Variants in LARGE1 observed in about 807,000 individuals in gnomAD.
The protein encoded by LARGE1 is xylosyl- and glucuronyltransferase LARGE1.
LARGE1 carries 43 observed loss-of-function variants against 87.6 expected under a neutral mutation model. The ratio of observed to expected loss-of-function variants is 0.49; its 90% CI spans 0.38 to 0.63. The LOEUF is 0.63. Among genes scored for constraint, LARGE1 ranks in the 30% least tolerant of loss-of-function variants. The probability of loss-of-function intolerance (pLI) is 0.00; values close to 1 mark genes in which losing one functional copy is unlikely to be tolerated. For synonymous variants in LARGE1, 434 were observed against 394.6 expected (o/e 1.10, Z -1.18); for missense variants, 802 against 1,000.2 (o/e 0.80, Z 2.67).
At chr22:33,277,328 G>T in intron 13 of LARGE1, 73 bp from the exon 14 acceptor site, 1 of 1,402,678 alleles carries the variant, frequency 7.1e-7, no homozygotes, top group Non-Finnish European at 9.9e-7. Context: ...CGATGTGGAG[G>T]AAGAAGGGGT....
intron 9 of LARGE1, among the ~76,000 whole-genome samples, chr22:33,373,098 C>T (rs886878596): frequency 2.6e-5 from 4 of 151,948 alleles, no homozygotes; most frequent in African/African-American, 4.8e-5. Flanking sequence ...GAGTAAGTCA[C>T]GATAAAGTTT....
chr22:33,834,810 A>G (rs1263998697), intron 1 of LARGE1, among the ~76,000 whole-genome samples: 1 of 152,228 alleles, frequency 6.6e-6, no homozygotes, highest in African/African-American at 2.4e-5. Flanking sequence ...CCAAATGGTA[A>G]AAGTGAATTT....
chr22:33,675,082 C>T (rs990377102), intron 2 of LARGE1, among the ~76,000 whole-genome samples: 1 of 151,506 alleles, frequency 6.6e-6, no homozygotes, highest in South Asian at 2.1e-4. Flanking sequence ...CACCTGAGGT[C>T]GAATGTTCGA....
At chr22:33,083,944 C>A in the LARGE1 span, among the ~76,000 whole-genome samples, 1 of 151,960 alleles carries the variant, frequency 6.6e-6, no homozygotes, top group Non-Finnish European at 1.5e-5. Context: ...TTAGCACAAT[C>A]TACCAGGCCC....
chr22:33,542,342 T>C (rs946207116), intron 6 of LARGE1, among the ~76,000 whole-genome samples: 1 of 151,874 alleles, frequency 6.6e-6, no homozygotes, highest in Non-Finnish European at 1.5e-5. Flanking sequence ...ATGGGAACCC[T>C]GTTTGGGGCA....
intron 9 of LARGE1, among the ~76,000 whole-genome samples, chr22:33,367,472 C>T (rs541048314): frequency 3.3e-5 from 5 of 152,240 alleles, no homozygotes; most frequent in South Asian, 2.1e-4. Context: ...GGCTGTAGTA[C>T]GGTGGTGCAA....
intron 1 of LARGE1, among the ~76,000 whole-genome samples, chr22:33,818,029 A>G (rs1168340019): frequency 6.6e-6 from 1 of 152,042 alleles, no homozygotes; most frequent in African/African-American, 2.4e-5. Context: ...CTAGGTTCAG[A>G]CCCCAGATCC....
At chr22:33,405,127 T>C (rs1465786820) in intron 7 of LARGE1, among the ~76,000 whole-genome samples, 1 of 152,232 alleles carries the variant, frequency 6.6e-6, no homozygotes, top group East Asian at 1.9e-4. Flanking sequence ...AGAAAGATCG[T>C]CCTGCATTCA....
the LARGE1 span, among the ~76,000 whole-genome samples, chr22:33,144,827 C>G: frequency 1.3e-5 from 2 of 152,062 alleles, no homozygotes; most frequent in African/African-American, 4.8e-5. Flanking sequence ...AAAGCAAATG[C>G]TCAATCATCA....
intron 1 of LARGE1, among the ~76,000 whole-genome samples, chr22:33,902,560 T>C (rs2065313366): frequency 6.6e-6 from 1 of 152,172 alleles, no homozygotes; most frequent in Admixed American, 6.5e-5. Flanking sequence ...CGTTTTGTCT[T>C]CTCTCTACTC....
chr22:33,466,274 C>T (rs1203688401), intron 6 of LARGE1, among the ~76,000 whole-genome samples: 1 of 152,018 alleles, frequency 6.6e-6, no homozygotes, highest in African/African-American at 2.4e-5. Flanking sequence ...TCCCTCTCTC[C>T]GAAGTAGCTT....
At chr22:33,398,670 A>AT (rs1171704765) in intron 7 of LARGE1, among the ~76,000 whole-genome samples, 1 of 152,186 alleles carries the variant, frequency 6.6e-6, no homozygotes, top group Non-Finnish European at 1.5e-5. Flanking sequence ...CATGTGACCC[A>AT]TTTTTTGGAA....
At chr22:33,067,565 G>A in the LARGE1 span, among the ~76,000 whole-genome samples, 216 of 152,240 alleles carry the variant, frequency 1.4e-3, no homozygotes, top group Non-Finnish European at 2.2e-3. Context: ...AGATAGAGAT[G>A]TATGGGCTCA....
intron 11 of LARGE1, among the ~76,000 whole-genome samples, chr22:33,176,136 C>A (rs2146150274): frequency 6.6e-6 from 1 of 152,236 alleles, no homozygotes; most frequent in Non-Finnish European, 1.5e-5. Context: ...TTCCTTACAC[C>A]TTATACAAAA....
chr22:33,530,038 G>A (rs187077682), intron 6 of LARGE1, among the ~76,000 whole-genome samples: 103 of 152,300 alleles, frequency 6.8e-4, no homozygotes, highest in Non-Finnish European at 1.3e-4. Flanking sequence ...CAGCGATAGG[G>A]TCTAGGGTTC....
chr22:33,504,180 A>C (rs2070648508), intron 6 of LARGE1, among the ~76,000 whole-genome samples: 1 of 152,174 alleles, frequency 6.6e-6, no homozygotes, highest in Admixed American at 6.5e-5. Context: ...AGAGTTGAAA[A>C]CTTTAAAGTT....
At chr22:33,826,074 A>G (rs941939914) in intron 1 of LARGE1, among the ~76,000 whole-genome samples, 23 of 152,192 alleles carry the variant, frequency 1.5e-4, no homozygotes, top group African/African-American at 3.9e-4. Context: ...TTTTTAATAT[A>G]GTGGTAAAAT....
chr22:33,288,364 TCA>T lies in LARGE1; in HGVS notation c.1731-5018_1731-5017del, dbSNP rs957760653. On this transcript the variant is annotated intron_variant, in intron 12 of 14. Transcript: ENST00000397394. ...AGGACAGTAACACAGAAATCCTGCC[TCA>T]GTTTCCAGCCTGCTGGCCTGCTCTG... Among the ~76,000 whole-genome samples the T allele has an allele frequency of 5.3e-5, 8 of 152,304 alleles. 1 individual carries two copies. Among genetic ancestry groups the T allele is most frequent in the African/African-American group, 1.9e-4 (8 of 41,562 alleles).
chr22:33,574,362 A>C (rs5999017), intron 5 of LARGE1, among the ~76,000 whole-genome samples: 121,337 of 152,080 alleles, frequency 0.8, 49,133 homozygotes, highest in African/African-American at 0.94. Flanking sequence ...ACACCTAATA[A>C]AATGTAAAAA....
Sources: gnomAD v4.1 joint callset for allele counts (sites outside exome capture counted in the v4.1 genomes callset) on GRCh38, gnomAD v4.1.1 for gene constraint, MANE v1.5 for transcripts, NCBI Gene and HGNC (gene_info 2026-07-23, HGNC 2026-07-21) for gene names.